DACH1: variants seen among roughly 807,000 people sequenced by gnomAD.
DACH1 encodes the protein dachshund family transcription factor 1, also known as dachshund homolog 1.
Under a neutral mutation model 54.2 loss-of-function variants are expected in DACH1, and 12 were observed. The ratio of observed to expected loss-of-function variants is 0.22; its 90% CI spans 0.14 to 0.36. The LOEUF (loss-of-function observed/expected upper bound fraction) is 0.36. DACH1 is among the 10% of genes least tolerant of loss of function. The probability of loss-of-function intolerance (pLI) is 1.00; values close to 1 mark genes in which losing one functional copy is unlikely to be tolerated. For synonymous variants in DACH1, 386 were observed against 366.2 expected (o/e 1.05, Z -0.62); for missense variants, 805 against 929.8 (o/e 0.87, Z 1.75).
rs147290665 is a variant in DACH1 at position 71,636,902 on chromosome 13, C to T, written c.965-6185G>A. 7.9e-5 allele frequency among the ~76,000 whole-genome samples: 12 copies of T among 152,232 alleles called. No individual in the cohort carries two copies. In the East Asian group the frequency reaches 2.1e-3, roughly 27 times the overall value. ...GAATTATGATGCAAACTTATGCTTG[C>T]TTCTTCAGAGTAAATTATAGATTTT... On this transcript the variant is annotated intron_variant, in intron 2 of 10. Coordinates refer to ENST00000613252, the MANE Select transcript of DACH1 (RefSeq NM_080759.6).
At chr13:71,475,322 G>T in intron 9 of DACH1, 113 bp from the exon 10 acceptor site, 1 of 922,984 alleles carries the variant, frequency 1.1e-6, no homozygotes, top group Non-Finnish European at 1.7e-6. Context: ...GTAAATCTTT[G>T]TCATCTTTTA....
At chr13:71,559,791 A>G (rs753486354) in intron 5 of DACH1, 29 bp downstream of exon 5, 5 of 1,613,388 alleles carry the variant, frequency 3.1e-6, no homozygotes, top group Non-Finnish European at 4.2e-6. Flanking sequence ...AAAGTTTAAA[A>G]TGGTGACAAG....
At chr13:71,709,449 C>T (rs1566449036) in intron 1 of DACH1, among the ~76,000 whole-genome samples, 3 of 151,970 alleles carry the variant, frequency 2.0e-5, no homozygotes, top group African/African-American at 2.4e-5. Flanking sequence ...TTTGTCCCAC[C>T]GAGACGTGAA....
chr13:71,574,390 C>T (rs1018908541), intron 3 of DACH1, among the ~76,000 whole-genome samples: 1 of 152,044 alleles, frequency 6.6e-6, no homozygotes, highest in African/African-American at 2.4e-5. Context: ...ATATCCCTAT[C>T]AGCTCATGAC....
At chr13:71,609,577 T>C (rs1875152074) in intron 3 of DACH1, among the ~76,000 whole-genome samples, 2 of 151,998 alleles carry the variant, frequency 1.3e-5, no homozygotes, top group Admixed American at 1.3e-4. Context: ...TTTGCTCTTG[T>C]AGCCCAGGCG....
intron 1 of DACH1, among the ~76,000 whole-genome samples, chr13:71,708,871 G>A (rs79539615): frequency 3.1e-5 from 1 of 31,914 alleles, no homozygotes; most frequent in Admixed American, 3.7e-4. Context: ...TTTTTTTTTT[G>A]AGACGGAGTC....
At chr13:71,804,122 C>A (rs1188813097) in intron 1 of DACH1, among the ~76,000 whole-genome samples, 1 of 151,930 alleles carries the variant, frequency 6.6e-6, no homozygotes, top group Non-Finnish European at 1.5e-5. Flanking sequence ...AGTTAGAGAC[C>A]AACCTGGGCA....
chr13:71,620,074 T>G (rs1408041102), intron 3 of DACH1, among the ~76,000 whole-genome samples: 1 of 151,950 alleles, frequency 6.6e-6, no homozygotes, highest in Non-Finnish European at 1.5e-5. Context: ...TTTGACCACC[T>G]TGATAAGATG....
chr13:71,687,925 A>G (rs1041181170), intron 1 of DACH1, among the ~76,000 whole-genome samples: 1 of 152,216 alleles, frequency 6.6e-6, no homozygotes, highest in African/African-American at 2.4e-5. Flanking sequence ...AAACTTTTAA[A>G]ACTAATTTGA....
At chr13:71,686,041 CA>C (rs1881143767) in intron 1 of DACH1, among the ~76,000 whole-genome samples, 2 of 152,136 alleles carry the variant, frequency 1.3e-5, no homozygotes, top group Admixed American at 6.5e-5. Flanking sequence ...ACTATCAACC[CA>C]TCATTTTCTA....
chr13:71,531,570 AT>A (rs534313140), intron 6 of DACH1, among the ~76,000 whole-genome samples: 151 of 151,984 alleles, frequency 9.9e-4, no homozygotes, highest in African/African-American at 3.4e-3. Context: ...GAGCTTATCA[AT>A]TTTTTTTAAT....
At chr13:71,853,357 T>C (rs1196600798) in intron 1 of DACH1, among the ~76,000 whole-genome samples, 1 of 152,204 alleles carries the variant, frequency 6.6e-6, no homozygotes, top group East Asian at 1.9e-4. Flanking sequence ...AATGCATTGT[T>C]ATTTAACCAG....
chr13:71,810,022 A>G (rs983304161), intron 1 of DACH1, among the ~76,000 whole-genome samples: 1 of 152,196 alleles, frequency 6.6e-6, no homozygotes, highest in Non-Finnish European at 1.5e-5. Flanking sequence ...GAACTGAATC[A>G]CTGTCCTGAA....
intron 1 of DACH1, among the ~76,000 whole-genome samples, chr13:71,682,423 G>A (rs889788101): frequency 1.3e-5 from 2 of 152,162 alleles, no homozygotes; most frequent in Admixed American, 6.5e-5. Context: ...GAATGAAAGA[G>A]TGATTCAGAC....
chr13:71,749,281 C>T (rs1884815680), intron 1 of DACH1, among the ~76,000 whole-genome samples: 1 of 152,022 alleles, frequency 6.6e-6, no homozygotes, highest in African/African-American at 2.4e-5. Context: ...CTTTGCCTGG[C>T]CCTATTTTCT....
intron 1 of DACH1, among the ~76,000 whole-genome samples, chr13:71,858,627 C>G (rs529667680): frequency 3.2e-4 from 48 of 151,674 alleles, no homozygotes; most frequent in African/African-American, 1.1e-3. Flanking sequence ...ACATTTTCTT[C>G]CTATCTAACT....
rs887689626 is a variant in DACH1, at chr13:71,439,074, TC to T, written c.*1580del. 1.3e-5 allele frequency: 2 copies of T among 151,906 alleles called. No individual in the cohort carries two copies. Among genetic ancestry groups the T allele is most frequent in the African/African-American group, 4.9e-5 (2 of 40,974 alleles). The allele number at this position is 151,906 out of a possible 1,614,324, so 9.4% of individuals were successfully genotyped here. On this transcript the variant is annotated 3_prime_UTR_variant, in exon 11 of 11. Transcript: ENST00000613252. ...ATCTATAATGTTAATTTTTTCTTAA[TC>T]AAGTAATTAATACCCAATCAGAACT...
At chr13:71,775,100 C>G (rs1158168324) in intron 1 of DACH1, among the ~76,000 whole-genome samples, 5 of 121,182 alleles carry the variant, frequency 4.1e-5, no homozygotes, top group Admixed American at 1.0e-4. Context: ...GCCTGGGCAA[C>G]AGAGCAAGAC....
intron 3 of DACH1, among the ~76,000 whole-genome samples, chr13:71,601,083 T>G (rs1412649052): frequency 6.6e-6 from 1 of 152,100 alleles, no homozygotes; most frequent in Non-Finnish European, 1.5e-5. Context: ...CTTTTTATTC[T>G]CTATCTATCT....
Sources: allele counts gnomAD v4.1 joint callset (sites outside exome capture counted in the v4.1 genomes callset), GRCh38; gene constraint gnomAD v4.1.1; transcripts MANE v1.5; gene names NCBI Gene and HGNC (gene_info 2026-07-23, HGNC 2026-07-21).